Variants in IFT22 observed in about 807,000 individuals in gnomAD.
IFT22 encodes the protein intraflagellar transport protein 22 homolog.
A neutral mutation model predicts 21.0 loss-of-function variants in IFT22; 13 were observed. That is an observed-to-expected ratio of 0.62 (90% CI 0.40 to 0.98). IFT22 has a LOEUF of 0.98. IFT22 is among the 50% of genes least tolerant of loss of function. The probability of loss-of-function intolerance (pLI) is 0.00; values close to 1 mark genes in which losing one functional copy is unlikely to be tolerated. For missense variants in IFT22, 227 were observed against 228.9 expected (o/e 0.99, Z 0.06); for synonymous variants, 67 against 82.4 (o/e 0.81, Z 1.01).
intron 3 of IFT22, 126 bp downstream of exon 3, chr7:101,317,995 TCTC>T (rs1790212179): frequency 5.7e-6 from 4 of 704,508 alleles, no homozygotes; most frequent in Admixed American, 4.3e-5. Context: ...CTTGAACTCT[TCTC>T]CTCAGGTGAG....
rs1240266045 is a variant in IFT22, at chr7:101,312,842, C to CT, written c.*2291dup. On this transcript the variant is annotated 3_prime_UTR_variant, in exon 5 of 5. Coordinates refer to ENST00000315322, the MANE Select transcript of IFT22 (RefSeq NM_022777.4). ...GAGCCACTCCACTCGGCACTTTTTT[C>CT]TTTTTTTTGAGATGGAGTTTTGCTC... is the stretch of plus-strand genomic sequence containing the variant. Among the ~76,000 whole-genome samples, 2 of 149,766 alleles carry CT rather than the reference C, an allele frequency of 1.3e-5. No homozygotes were observed. Among genetic ancestry groups the CT allele is most frequent in the Non-Finnish European group, 3.0e-5 (2 of 67,362 alleles).
intron 1 of IFT22, 119 bp downstream of exon 1, chr7:101,321,552 G>C (rs1001576927): frequency 9.6e-6 from 10 of 1,040,916 alleles, no homozygotes; most frequent in Admixed American, 5.4e-5. Flanking sequence ...GGATGGGCGC[G>C]GTGGGCCCGG....
chr7:101,316,258 G>T, intron 4 of IFT22, 82 bp downstream of exon 4: 1 of 1,338,570 alleles, frequency 7.5e-7, no homozygotes, highest in Non-Finnish European at 1.1e-6. Flanking sequence ...GGACAGAGCT[G>T]CTGGTTTCTA....
rs1009487345 is a variant in IFT22, at chr7:101,315,076, C to A, written c.*58G>T. On this transcript the variant is annotated 3_prime_UTR_variant, in exon 5 of 5. Transcript: ENST00000315322. ...TCAGGAGCTGGATGTGATTTCAGAT[C>A]TGCACCGAGAAACATGCTGATTTCA... 10 of 1,567,890 alleles carry A rather than the reference C, an allele frequency of 6.4e-6. No individual in the cohort carries two copies. Among genetic ancestry groups the A allele is most frequent in the Non-Finnish European group, 8.7e-6 (10 of 1,152,510 alleles).
chr7:101,318,763 T>G, intron 2 of IFT22, 193 bp downstream of exon 2: 1 of 538,558 alleles, frequency 1.9e-6, no homozygotes, highest in Non-Finnish European at 3.4e-6. Context: ...CAACCTAACA[T>G]GTAGCTGAGA....
intron 1 of IFT22, among the ~76,000 whole-genome samples, chr7:101,320,240 A>G (rs1429558163): frequency 3.3e-5 from 5 of 149,330 alleles, no homozygotes; most frequent in African/African-American, 1.2e-4. Flanking sequence ...TAGAAGCGTG[A>G]GCCTCCGCAT....
In IFT22 at chr7:101,321,755, G is replaced by T; in HGVS notation, c.-46C>A. On this transcript the variant is annotated 5_prime_UTR_variant, in exon 1 of 5. Coordinates refer to ENST00000315322, the MANE Select transcript of IFT22 (RefSeq NM_022777.4). ...CCGGCCGGAGCCCACGGGAGGCGGC[G>T]CGTCAGGACGGAGCTCTACTTGGCC... 6.4e-7 allele frequency: 1 copy of T among 1,550,564 alleles called. No individual in the cohort carries two copies. Among genetic ancestry groups the T allele is most frequent in the Non-Finnish European group, 8.7e-7 (1 of 1,145,058 alleles).
In IFT22 at chr7:101,318,970, T is replaced by G. The variant is rs758634592; in HGVS notation, c.102A>C (p.Pro34=). 1 of 1,613,788 alleles carries G rather than the reference T, an allele frequency of 6.2e-7. No homozygotes were observed. Among genetic ancestry groups the G allele is most frequent in the African/African-American group, 1.3e-5 (1 of 74,930 alleles). The change falls in exon 2 of 5, where the codon CCA becomes CCC. Residue 34 remains proline (P), a synonymous_variant. Coordinates refer to ENST00000315322, the MANE Select transcript of IFT22 (RefSeq NM_022777.4). ...TESSDITEYS[P]TQGVRILEFE... ...TCAGGGCTCACCTCACTCCTTGGGT[T>G]GGGCTGTATTCAGTGATGTCAGAAG...
chr7:101,315,719 TCA>T (rs1790125458), intron 4 of IFT22: 1 of 203,706 alleles, frequency 4.9e-6, no homozygotes, highest in Admixed American at 5.7e-5. Context: ...AAACAGAGTT[TCA>T]CTCTTGTTGT....
intron 4 of IFT22, chr7:101,316,119 C>G (rs1038162201): frequency 1.9e-6 from 1 of 537,056 alleles, no homozygotes; most frequent in Non-Finnish European, 3.3e-6. Flanking sequence ...CTGCCTTAGC[C>G]CCCTGAGTAG....
At chr7:101,321,577 GA>G in intron 1 of IFT22, 93 bp downstream of exon 1, 1 of 1,359,558 alleles carries the variant, frequency 7.4e-7, no homozygotes. Flanking sequence ...CCGCCTCCGG[GA>G]GCAAGCCGCA....
rs1457364955 is a variant in IFT22 at position 101,311,244 on chromosome 7, G to C, written c.*3890C>G. Among the ~76,000 whole-genome samples, 2 of 152,082 alleles carry C rather than the reference G, an allele frequency of 1.3e-5. No homozygotes were observed. The highest frequency in any genetic ancestry group is 4.8e-5 in the African/African-American group (2 of 41,418). On this transcript the variant is annotated 3_prime_UTR_variant, in exon 5 of 5. Coordinates refer to ENST00000315322, the MANE Select transcript of IFT22 (RefSeq NM_022777.4). ...TTAACCTCGTAATCCACCCGCCTCG[G>C]CCTCCCAAAGTGCTGGGATTACAGG...
chr7:101,318,519 C>CAA, intron 2 of IFT22: 13 of 240,924 alleles, frequency 5.4e-5, no homozygotes, highest in Admixed American at 2.2e-4. Flanking sequence ...GACTCCATCC[C>CAA]AAAAAAAAAA....
rs1789969684 is a variant in IFT22 at position 101,311,057 on chromosome 7, G to A, written c.*4077C>T. ...CGCCCAGGCTGGAGTGCAGTGGCGGGACCTCGGCTCACTGCAAGCTCCGCC... is the reference window on the plus strand; with the variant it reads ...CGCCCAGGCTGGAGTGCAGTGGCGGAACCTCGGCTCACTGCAAGCTCCGCC... On this transcript the variant is annotated 3_prime_UTR_variant, in exon 5 of 5. Transcript: ENST00000315322. 2 of 257,960 alleles carry A rather than the reference G, an allele frequency of 7.8e-6. No homozygotes were observed. The highest frequency in any genetic ancestry group is 8.2e-5 in the South Asian group (2 of 24,300). 16.0% of individuals were successfully genotyped at this position (257,960 alleles called of 1,614,324 possible).
Position 101,321,746 on chromosome 7 carries a change from G to C in IFT22, c.-37C>G, listed in dbSNP as rs766430401. On this transcript the variant is annotated 5_prime_UTR_variant, in exon 1 of 5. Transcript: ENST00000315322. The stretch of plus-strand genomic sequence containing the variant: ...GCGGCTTAGCCGGCCGGAGCCCACG[G>C]GAGGCGGCGCGTCAGGACGGAGCTC... The C allele has an allele frequency of 1.9e-6, 3 of 1,571,600 alleles. No individual in the cohort carries two copies. Among genetic ancestry groups the C allele is most frequent in the Non-Finnish European group, 2.6e-6 (3 of 1,158,288 alleles).
Position 101,318,172 on chromosome 7 carries a change from T to C in IFT22, c.158A>G (p.Lys53Arg), listed in dbSNP as rs772184469. 6 of 1,613,314 alleles carry C rather than the reference T, an allele frequency of 3.7e-6. No homozygotes were observed. The highest frequency in any genetic ancestry group is 3.3e-5 in the Admixed American group (2 of 59,946). Residue 53 changes from lysine to arginine, a missense_variant, in exon 3 of 5, where the codon AAA becomes AGA. Coordinates refer to ENST00000315322, the MANE Select transcript of IFT22 (RefSeq NM_022777.4). ...TAGCTCGAATTCACAGCCCGTGCCT[T>C]TGTTGTTGCTGGTAACATGCGGGTT... ...FENPHVTSNN[K>R]GTGCEFELWD...
intron 3 of IFT22, among the ~76,000 whole-genome samples, chr7:101,316,936 A>C (rs1337440503): frequency 6.6e-6 from 1 of 151,948 alleles, no homozygotes; most frequent in African/African-American, 2.4e-5. Context: ...AAAAATAAAA[A>C]AAATTTTAAA....
chr7:101,315,659 G>C, intron 4 of IFT22: 1 of 235,724 alleles, frequency 4.2e-6, no homozygotes, highest in Non-Finnish European at 8.3e-6. Context: ...TTGTACCCAA[G>C]AATAGCTACA....
Position 101,318,950 on chromosome 7 carries a change from G to C in IFT22, c.116+6C>G, listed in dbSNP as rs202001995. ...CACTCTGGGACACAGATTTGTCAGG[G>C]CTCACCTCACTCCTTGGGTTGGGCT... On this transcript the variant is annotated splice_donor_region_variant and intron_variant, in intron 2 of 4. Coordinates refer to ENST00000315322, the MANE Select transcript of IFT22 (RefSeq NM_022777.4). The C allele has an allele frequency of 1.2e-6, 2 of 1,608,538 alleles. No individual in the cohort carries two copies. Among genetic ancestry groups the C allele is most frequent in the African/African-American group, 2.7e-5 (2 of 74,902 alleles).
Sources: gnomAD v4.1 joint callset for allele counts (sites outside exome capture counted in the v4.1 genomes callset) on GRCh38, gnomAD v4.1.1 for gene constraint, MANE v1.5 for transcripts, NCBI Gene and HGNC (gene_info 2026-07-23, HGNC 2026-07-21) for gene names.